PHGDH: variants seen among roughly 807,000 people sequenced by gnomAD.
PHGDH encodes phosphoglycerate dehydrogenase.
Under a neutral mutation model 52.6 loss-of-function variants are expected in PHGDH, and 50 were observed. That is an observed-to-expected ratio of 0.95 (90% confidence interval 0.76 to 1.20). The LOEUF is 1.20. PHGDH is among the 50% of genes most tolerant of loss of function. The pLI is 0.00. For missense variants in PHGDH, 630 were observed against 684.6 expected (o/e 0.92, Z 0.89); for synonymous variants, 271 against 280.5 (o/e 0.97, Z 0.34).
At position 119,740,503 on chromosome 1, in the gene PHGDH, C is replaced by G; in HGVS notation, c.1063C>G (p.Gln355Glu). 6.3e-7 allele frequency: 1 copy of G among 1,580,364 alleles called. No individual in the cohort carries two copies. ...AWAGSPKGTIQVITQGTSLKN... is the reference protein window; with the variant it reads ...AWAGSPKGTIEVITQGTSLKN... ...GGCTGGGTCCCCCAAAGGGACCATC[C>G]AGGTGATAACACAGGGTGAGCTGGG... The change falls in exon 9 of 12, where the codon CAG (glutamine) becomes GAG (glutamate). Residue 355 changes from glutamine (Q) to glutamate (E), a missense_variant. Gln to Glu is a conservative substitution (Grantham distance 29). Coordinates refer to ENST00000641023, the MANE Select transcript of PHGDH (RefSeq NM_006623.4).
intron 1 of PHGDH, chr1:119,714,611 A>T (rs1199599551): frequency 6.6e-6 from 1 of 152,282 alleles, no homozygotes; most frequent in African/African-American, 2.4e-5. Context: ...TCACGCCTGT[A>T]ATCCCAACAC....
At chr1:119,739,198 C>A (rs192757108) in intron 8 of PHGDH, among the ~76,000 whole-genome samples, 27 of 152,270 alleles carry the variant, frequency 1.8e-4, no homozygotes, top group Non-Finnish European at 3.4e-4. Context: ...ACTTGGGAGC[C>A]CTGTGATGGA....
chr1:119,723,225 G>A (rs1417979928), intron 2 of PHGDH, 151 bp from the exon 3 acceptor site: 5 of 719,492 alleles, frequency 6.9e-6, no homozygotes, highest in Admixed American at 2.0e-5. Context: ...GGCTTAGGGC[G>A]AGAGTACATC....
At chr1:119,735,686 T>C (rs1248565083) in intron 7 of PHGDH, among the ~76,000 whole-genome samples, 1 of 152,212 alleles carries the variant, frequency 6.6e-6, no homozygotes, top group East Asian at 1.9e-4. Flanking sequence ...GGGACCCAGT[T>C]CCTGGTTCCG....
At chr1:119,715,736 T>C (rs1650900669) in intron 1 of PHGDH, 1 of 152,036 alleles carries the variant, frequency 6.6e-6, no homozygotes, top group Non-Finnish European at 1.5e-5. Flanking sequence ...GGAGGACTTG[T>C]AGGAAGTGTG....
At chr1:119,723,992 G>T (rs183364265) in intron 3 of PHGDH, among the ~76,000 whole-genome samples, 40 of 152,078 alleles carry the variant, frequency 2.6e-4, no homozygotes, top group African/African-American at 9.2e-4. Context: ...GTGTTCTGTG[G>T]GTTCATAACA....
intron 11 of PHGDH, 97 bp downstream of exon 11, chr1:119,743,141 A>G (rs1041479047): frequency 4.8e-6 from 4 of 831,548 alleles, no homozygotes; most frequent in Non-Finnish European, 8.6e-6. Flanking sequence ...GCCCCTCTTC[A>G]TGTCCCAGGG....
intron 7 of PHGDH, among the ~76,000 whole-genome samples, 197 bp from the exon 8 acceptor site, chr1:119,736,917 T>C (rs983673030): frequency 6.6e-6 from 1 of 152,272 alleles, no homozygotes; most frequent in Non-Finnish European, 1.5e-5. Flanking sequence ...TCACACTTTG[T>C]GCTGTGTCCA....
intron 7 of PHGDH, among the ~76,000 whole-genome samples, chr1:119,735,864 T>C (rs518027): frequency 0.71 from 107,417 of 152,136 alleles, 38,211 homozygotes; most frequent in Middle Eastern, 0.82. Context: ...ATGGGCATTC[T>C]TTTTCCCTTC....
chr1:119,733,314 T>C (rs1216973699), intron 5 of PHGDH, among the ~76,000 whole-genome samples: 1 of 152,056 alleles, frequency 6.6e-6, no homozygotes, highest in African/African-American at 2.4e-5. Flanking sequence ...GAAGTCCTCT[T>C]TCCTATTACG....
chr1:119,741,976 C>A, intron 10 of PHGDH, 79 bp downstream of exon 10: 1 of 1,272,956 alleles, frequency 7.9e-7, no homozygotes, highest in Non-Finnish European at 1.1e-6. Flanking sequence ...AGCCCGTTCT[C>A]TGAGCGGAGG....
intron 3 of PHGDH, chr1:119,724,921 C>T (rs1886736): frequency 0.16 from 74,279 of 456,328 alleles, 7,945 homozygotes; most frequent in African/African-American, 0.39. Flanking sequence ...GGAAGGAATG[C>T]GTTCGTTTCA....
At chr1:119,733,053 C>G (rs1051261717) in intron 5 of PHGDH, among the ~76,000 whole-genome samples, 6 of 152,252 alleles carry the variant, frequency 3.9e-5, no homozygotes, top group Non-Finnish European at 5.9e-5. Flanking sequence ...TGGACACTTT[C>G]TCCTCCCCAC....
chr1:119,734,119 C>T (rs1289792254), intron 5 of PHGDH, among the ~76,000 whole-genome samples: 1 of 152,160 alleles, frequency 6.6e-6, no homozygotes, highest in African/African-American at 2.4e-5. Context: ...ACCTGATGCA[C>T]CTGTTTCCTG....
intron 1 of PHGDH, chr1:119,720,580 C>T (rs962882578): frequency 2.8e-5 from 5 of 178,778 alleles, no homozygotes; most frequent in Admixed American, 1.6e-4. Context: ...TGTTCTCTCT[C>T]GCTTGTTCCT....
intron 1 of PHGDH, chr1:119,720,097 C>T (rs187241956): frequency 6.6e-6 from 1 of 152,280 alleles, no homozygotes; most frequent in East Asian, 1.9e-4. Flanking sequence ...ACTTGCTCAC[C>T]TGCCCCATTT....
At chr1:119,725,095 A>G (rs1651348248) in intron 3 of PHGDH, 1 of 428,534 alleles carries the variant, frequency 2.3e-6, no homozygotes, top group East Asian at 7.1e-5. Context: ...CAGCACACAG[A>G]AAGGAAGGAA....
chr1:119,742,676 T>G (rs587716538), intron 10 of PHGDH, 131 bp from the exon 11 acceptor site: 6 of 706,762 alleles, frequency 8.5e-6, no homozygotes. Flanking sequence ...CTCTCCCTTC[T>G]GGTCCTGAAT....
chr1:119,737,844 A>C (rs1171864580), intron 8 of PHGDH, among the ~76,000 whole-genome samples: 4 of 151,980 alleles, frequency 2.6e-5, no homozygotes, highest in Admixed American at 6.5e-5. Context: ...CCTGACTTAC[A>C]CTTCAAGTCC....
Sources: gnomAD v4.1 joint callset for allele counts (sites outside exome capture counted in the v4.1 genomes callset) on GRCh38, gnomAD v4.1.1 for gene constraint, MANE v1.5 for transcripts, NCBI Gene and HGNC (gene_info 2026-07-23, HGNC 2026-07-21) for gene names.